The following ADCY9 variants were observed in gnomAD, a reference collection of about 807,000 sequenced individuals.
ADCY9 encodes adenylate cyclase type 9.
In ADCY9, 50 loss-of-function variants were observed where a neutral mutation model predicts 101.5. The ratio of observed to expected loss-of-function variants is 0.49; its 90% confidence interval spans 0.39 to 0.62. ADCY9 has a LOEUF of 0.62. Ranked by LOEUF, ADCY9 falls within the 20% of genes least tolerant of loss-of-function variation. The pLI is 0.00. For missense variants in ADCY9, 1,662 were observed against 1,800.4 expected (o/e 0.92, Z 1.39); for synonymous variants, 905 against 769.3 (o/e 1.18, Z -2.92).
chr16:3,998,079 G>A (rs1168092309), intron 3 of ADCY9, among the ~76,000 whole-genome samples: 1 of 152,106 alleles, frequency 6.6e-6, no homozygotes. Flanking sequence ...GGGCGACAGA[G>A]CAAGATTCCT....
rs1170090126 is a variant in ADCY9, at chr16:4,110,376, C to CTTTTTTTTTTTTTTTTTT, written c.1693+3356_1693+3373dup. Among the ~76,000 whole-genome samples the CTTTTTTTTTTTTTTTTTT allele has an allele frequency of 1.8e-5, 2 of 110,742 alleles. 1 individual carries two copies. Among genetic ancestry groups the CTTTTTTTTTTTTTTTTTT allele is most frequent in the African/African-American group, 7.1e-5 (2 of 28,116 alleles). 72.7% of individuals were successfully genotyped at this position (110,742 alleles called of 152,430 possible). A position where few individuals can be genotyped will look rare whatever the true frequency, so the allele number is the denominator to read the frequency against. On this transcript the variant is annotated intron_variant, in intron 2 of 10. Transcript: ENST00000294016. ...AGTTTTGCAATCATACTTATACCTA[C>CTTTTTTTTTTTTTTTTTT]TTTTTTTTTTTTTTTTTTTTTTTTT...
intron 2 of ADCY9, among the ~76,000 whole-genome samples, chr16:4,047,825 C>T (rs1468812296): frequency 6.6e-6 from 1 of 152,226 alleles, no homozygotes; most frequent in African/African-American, 2.4e-5. Context: ...TCCCAAAGTG[C>T]TGGGATTACA....
chr16:3,993,304 G>A, intron 4 of ADCY9, 102 bp downstream of exon 4: 8 of 1,543,960 alleles, frequency 5.2e-6, no homozygotes, highest in African/African-American at 1.4e-5. Flanking sequence ...TTACCCAAGA[G>A]GAGTTACTCT....
At chr16:3,975,119 GA>G (rs1394492128) in intron 9 of ADCY9, among the ~76,000 whole-genome samples, 1 of 152,194 alleles carries the variant, frequency 6.6e-6, no homozygotes, top group African/African-American at 2.4e-5. Flanking sequence ...GCTCCAGGTA[GA>G]AAAGCCCCGC....
chr16:4,111,099 G>A (rs866527301), intron 2 of ADCY9, among the ~76,000 whole-genome samples: 1 of 152,224 alleles, frequency 6.6e-6, no homozygotes, highest in Non-Finnish European at 1.5e-5. Context: ...CTTCTGCAAA[G>A]CCTGTTCGGA....
intron 2 of ADCY9, among the ~76,000 whole-genome samples, chr16:4,036,475 T>C (rs2056591010): frequency 6.9e-6 from 1 of 144,988 alleles, no homozygotes; most frequent in Non-Finnish European, 1.5e-5. Flanking sequence ...TTTTTTTTTT[T>C]TTTTTTTGAG....
chr16:3,970,574 C>T (rs779265279), intron 10 of ADCY9, among the ~76,000 whole-genome samples: 10 of 151,572 alleles, frequency 6.6e-5, no homozygotes, highest in East Asian at 2.0e-4. Context: ...GTGATCCACC[C>T]GCCTTGGCCT....
At chr16:4,038,588 C>G (rs1013791747) in intron 2 of ADCY9, among the ~76,000 whole-genome samples, 1 of 152,106 alleles carries the variant, frequency 6.6e-6, no homozygotes, top group South Asian at 2.1e-4. Context: ...AGCAGTAAAA[C>G]GGACTGAGAT....
At chr16:4,007,690 G>C (rs2056376389) in intron 2 of ADCY9, 132 bp from the exon 3 acceptor site, 1 of 707,340 alleles carries the variant, frequency 1.4e-6, no homozygotes, top group Non-Finnish European at 2.2e-6. Context: ...ATAGGTCATA[G>C]TTTACGACGG....
chr16:4,043,899 C>T (rs1367702242), intron 2 of ADCY9, among the ~76,000 whole-genome samples: 1 of 152,122 alleles, frequency 6.6e-6, no homozygotes, highest in Non-Finnish European at 1.5e-5. Flanking sequence ...ACTCTGCAAC[C>T]TTGAGTGGGG....
chr16:3,994,346 AG>A (rs1214909776), intron 3 of ADCY9, among the ~76,000 whole-genome samples: 1 of 152,224 alleles, frequency 6.6e-6, no homozygotes, highest in African/African-American at 2.4e-5. Flanking sequence ...GTATTTCAAC[AG>A]GGTTTCTCTT....
rs145564425 is a variant in ADCY9 at position 4,043,440 on chromosome 16, G to A, written c.1694-35882C>T. Among the ~76,000 whole-genome samples the A allele has an allele frequency of 7.5e-3, 1,141 of 152,006 alleles. 22 individuals carry two copies. The highest frequency in any genetic ancestry group is 0.026 in the African/African-American group (1,087 of 41,466). ...TATAATCCCAGCACTTTGGGAAGCC[G>A]AGGCAGGAGGATCACTTGAGGTCAG... On this transcript the variant is annotated intron_variant, in intron 2 of 10. Transcript: ENST00000294016.
intron 2 of ADCY9, among the ~76,000 whole-genome samples, chr16:4,094,567 T>C (rs374651038): frequency 1.3e-5 from 2 of 151,934 alleles, no homozygotes; most frequent in African/African-American, 4.8e-5. Flanking sequence ...TCCTAGCACT[T>C]TGGGAGGCCA....
intron 6 of ADCY9, 109 bp from the exon 7 acceptor site, chr16:3,983,549 A>T: frequency 2.1e-6 from 2 of 932,040 alleles, no homozygotes; most frequent in Non-Finnish European, 3.3e-6. Flanking sequence ...GCTCTGGGCC[A>T]GGCACAGGGC....
intron 2 of ADCY9, among the ~76,000 whole-genome samples, chr16:4,059,393 A>AG (rs2056760592): frequency 6.6e-6 from 1 of 151,406 alleles, no homozygotes; most frequent in East Asian, 1.9e-4. Context: ...AAAAAAAAAA[A>AG]AGAAAAAAAA....
chr16:4,090,009 G>A lies in ADCY9; in HGVS notation c.1693+23741C>T, dbSNP rs894528405. On this transcript the variant is annotated intron_variant, in intron 2 of 10. Transcript: ENST00000294016. ...TTGCTGGGACTCCGTGGGCCCGAGG[G>A]CTGCTTAACAGCTTGGCAGGCATCC... Among the ~76,000 whole-genome samples the A allele has an allele frequency of 9.9e-5, 15 of 152,212 alleles. No individual in the cohort carries two copies. The East Asian group carries it at 2.9e-3, about 29-fold the overall frequency.
At chr16:4,023,824 C>T (rs541993616) in intron 2 of ADCY9, among the ~76,000 whole-genome samples, 3 of 151,966 alleles carry the variant, frequency 2.0e-5, no homozygotes, top group East Asian at 3.9e-4. Flanking sequence ...GCACGAGCAT[C>T]GCTTGAACCC....
chr16:3,978,862 G>C (rs2056115342), intron 8 of ADCY9, among the ~76,000 whole-genome samples: 1 of 152,152 alleles, frequency 6.6e-6, no homozygotes, highest in Non-Finnish European at 1.5e-5. Flanking sequence ...TGGGATTAAA[G>C]GCGCCTGCCA....
chr16:4,089,311 A>T (rs891009644), intron 2 of ADCY9, among the ~76,000 whole-genome samples: 3 of 151,990 alleles, frequency 2.0e-5, no homozygotes, highest in Non-Finnish European at 4.4e-5. Flanking sequence ...AGCGATCGAA[A>T]CGTGGCCTTT....
Sources: gnomAD v4.1 joint callset for allele counts (sites outside exome capture counted in the v4.1 genomes callset) on GRCh38, gnomAD v4.1.1 for gene constraint, MANE v1.5 for transcripts, NCBI Gene and HGNC (gene_info 2026-07-23, HGNC 2026-07-21) for gene names.